WWOX: variants seen among roughly 807,000 people sequenced by gnomAD.
The protein encoded by WWOX is WW domain containing oxidoreductase.
WWOX carries 69 observed loss-of-function variants against 46.2 expected under a neutral mutation model. That is an observed-to-expected ratio of 1.49 (90% CI 1.23 to 1.82). The LOEUF (loss-of-function observed/expected upper bound fraction) is 1.82, where lower values mean the gene tolerates loss of function less well. Among genes scored for constraint, WWOX ranks in the 40% most tolerant of loss-of-function variants. The pLI, the probability that WWOX is intolerant of heterozygous loss-of-function variation, is 0.00. For synonymous variants in WWOX, 359 were observed against 202.6 expected (o/e 1.77, Z -6.56); for missense variants, 919 against 542.6 (o/e 1.69, Z -6.89).
At chr16:78,333,043 C>CTTTTTTTTTT (rs11289222) in intron 5 of WWOX, among the ~76,000 whole-genome samples, 5 of 57,124 alleles carry the variant, frequency 8.8e-5, no homozygotes, top group Admixed American at 2.3e-4. Flanking sequence ...GAGCATTATA[C>CTTTTTTTTTT]TTTTTTTTTT....
chr16:78,667,623 A>T (rs2047361790), intron 8 of WWOX, among the ~76,000 whole-genome samples: 1 of 146,382 alleles, frequency 6.8e-6, no homozygotes, highest in South Asian at 2.2e-4. Context: ...GTGAGCCAAG[A>T]TCGTGCCACT....
chr16:79,169,405 C>T (rs1223592912), intron 8 of WWOX, among the ~76,000 whole-genome samples: 1 of 152,182 alleles, frequency 6.6e-6, no homozygotes, highest in East Asian at 1.9e-4. Flanking sequence ...GTTGGAGGAA[C>T]TTGGAGAAAT....
intron 8 of WWOX, among the ~76,000 whole-genome samples, chr16:78,931,949 T>G (rs1449780922): frequency 6.6e-6 from 1 of 152,214 alleles, no homozygotes; most frequent in African/African-American, 2.4e-5. Flanking sequence ...GATGGTTTTA[T>G]AAAGGGCAGT....
At chr16:78,901,390 C>G (rs565852844) in intron 8 of WWOX, among the ~76,000 whole-genome samples, 2 of 152,238 alleles carry the variant, frequency 1.3e-5, no homozygotes, top group East Asian at 1.9e-4. Context: ...GGCTTTAATT[C>G]TTTCTCTTTT....
At chr16:78,354,567 A>G (rs4587988) in intron 5 of WWOX, among the ~76,000 whole-genome samples, 60,248 of 151,948 alleles carry the variant, frequency 0.4, 12,919 homozygotes, top group Non-Finnish European at 0.49. Flanking sequence ...ATATGCTTAG[A>G]AATATCCAGC....
At chr16:78,125,776 A>G (rs533609165) in intron 4 of WWOX, among the ~76,000 whole-genome samples, 1 of 152,294 alleles carries the variant, frequency 6.6e-6, no homozygotes, top group Non-Finnish European at 1.5e-5. Context: ...ACAAACATTA[A>G]GGAATAAGTC....
intron 8 of WWOX, among the ~76,000 whole-genome samples, chr16:79,123,146 A>C (rs2150679703): frequency 6.6e-6 from 1 of 152,166 alleles, no homozygotes; most frequent in South Asian, 2.1e-4. Flanking sequence ...TAGGGAAGCA[A>C]CAGAGTACCC....
At chr16:78,767,147 G>T (rs2049942652) in intron 8 of WWOX, among the ~76,000 whole-genome samples, 1 of 145,880 alleles carries the variant, frequency 6.9e-6, no homozygotes, top group Admixed American at 7.0e-5. Flanking sequence ...TTTTGACAGG[G>T]TCTCACTCTG....
At chr16:78,395,205 G>C (rs939939120) in intron 6 of WWOX, among the ~76,000 whole-genome samples, 1 of 152,142 alleles carries the variant, frequency 6.6e-6, no homozygotes, top group Non-Finnish European at 1.5e-5. Context: ...AGGAAGTGTG[G>C]GTCTCATAAG....
At chr16:78,722,699 T>G (rs909094693) in intron 8 of WWOX, among the ~76,000 whole-genome samples, 4 of 45,184 alleles carry the variant, frequency 8.9e-5, no homozygotes, top group South Asian at 7.9e-4. Context: ...TTTGTCTCTG[T>G]TTTTTTTTTT....
At chr16:78,705,801 A>G (rs2048316527) in intron 8 of WWOX, among the ~76,000 whole-genome samples, 1 of 152,216 alleles carries the variant, frequency 6.6e-6, no homozygotes, top group Non-Finnish European at 1.5e-5. Context: ...AACAAAATGA[A>G]AAAACAAGAA....
At chr16:78,469,328 A>C (rs1022967943) in intron 8 of WWOX, among the ~76,000 whole-genome samples, 4 of 152,332 alleles carry the variant, frequency 2.6e-5, no homozygotes, top group African/African-American at 4.8e-5. Context: ...GAGCAGAACA[A>C]GGAAAATATA....
At chr16:79,177,650 C>G (rs967945759) in intron 8 of WWOX, among the ~76,000 whole-genome samples, 2 of 152,124 alleles carry the variant, frequency 1.3e-5, no homozygotes, top group African/African-American at 4.8e-5. Context: ...TAAGGTTTCT[C>G]AATGTGTGTT....
rs984246208 is a variant in WWOX, at chr16:78,826,878, C to T, written c.1057-384730C>T. Among the ~76,000 whole-genome samples, 7 of 152,350 alleles carry T rather than the reference C, an allele frequency of 4.6e-5. No homozygotes were observed. The East Asian group carries it at 7.7e-4, about 17-fold the overall frequency. On this transcript the variant is annotated intron_variant, in intron 8 of 8. Transcript: ENST00000566780. ...TTAGCTGTCCTCTGCCTCCATCTCCCTTTCCCTGTAAGTGGAAGTGGTATT... is the reference window on the plus strand; with the variant it reads ...TTAGCTGTCCTCTGCCTCCATCTCCTTTTCCCTGTAAGTGGAAGTGGTATT...
At chr16:78,862,896 C>T (rs1231834860) in intron 8 of WWOX, among the ~76,000 whole-genome samples, 2 of 151,770 alleles carry the variant, frequency 1.3e-5, no homozygotes, top group Non-Finnish European at 2.9e-5. Flanking sequence ...AACATAATAT[C>T]TGGGTATCCT....
At chr16:78,564,613 C>G (rs1764415361) in intron 8 of WWOX, among the ~76,000 whole-genome samples, 1 of 152,128 alleles carries the variant, frequency 6.6e-6, no homozygotes, top group African/African-American at 2.4e-5. Flanking sequence ...CAATCAATTT[C>G]TTTTTAAATC....
intron 8 of WWOX, among the ~76,000 whole-genome samples, chr16:78,574,649 T>A (rs1295772743): frequency 6.6e-6 from 1 of 151,994 alleles, no homozygotes; most frequent in Non-Finnish European, 1.5e-5. Context: ...TTTTTAAAAA[T>A]GCATTTCTGA....
intron 8 of WWOX, among the ~76,000 whole-genome samples, chr16:79,110,082 C>G (rs987319129): frequency 2.0e-5 from 3 of 152,148 alleles, no homozygotes; most frequent in Non-Finnish European, 2.9e-5. Context: ...GGCTTTCAGA[C>G]TTTCGCTTAG....
chr16:78,902,365 C>A (rs149632464), intron 8 of WWOX, among the ~76,000 whole-genome samples: 1,904 of 152,252 alleles, frequency 0.013, 28 homozygotes, highest in South Asian at 0.032. Flanking sequence ...AAAGAGTCAC[C>A]GCTGATTAAT....
Sources: gnomAD v4.1 joint callset for allele counts (sites outside exome capture counted in the v4.1 genomes callset) on GRCh38, gnomAD v4.1.1 for gene constraint, MANE v1.5 for transcripts, NCBI Gene and HGNC (gene_info 2026-07-23, HGNC 2026-07-21) for gene names.